TJP1: variants seen among roughly 807,000 people sequenced by gnomAD.
The protein encoded by TJP1 is tight junction protein ZO-1.
Under a neutral mutation model 194.2 loss-of-function variants are expected in TJP1, and 43 were observed. The observed-to-expected ratio is 0.22, with a 90% CI of 0.17 to 0.29. The LOEUF is 0.29. Ranked by LOEUF, TJP1 falls within the 10% of genes least tolerant of loss-of-function variation. The pLI is 1.00. For synonymous variants in TJP1, 801 were observed against 779.0 expected (o/e 1.03, Z -0.47); for missense variants, 1,971 against 2,185.7 (o/e 0.90, Z 1.96).
intron 1 of TJP1, among the ~76,000 whole-genome samples, chr15:29,813,566 C>T (rs2049685245): frequency 6.6e-6 from 1 of 152,162 alleles, no homozygotes; most frequent in Non-Finnish European, 1.5e-5. Flanking sequence ...ACAGAATTCA[C>T]ACTAGAAGAT....
chr15:29,791,486 T>C (rs933572996), intron 2 of TJP1, among the ~76,000 whole-genome samples: 3 of 132,720 alleles, frequency 2.3e-5, no homozygotes, highest in Non-Finnish European at 4.7e-5. Context: ...AGTGCAGCAA[T>C]CTAGGCTCAC....
chr15:29,962,992 T>G (rs2056212448), intron 1 of TJP1, among the ~76,000 whole-genome samples: 1 of 152,044 alleles, frequency 6.6e-6, no homozygotes, highest in Non-Finnish European at 1.5e-5. Context: ...ATATAAAAAA[T>G]TAGCCAGGTG....
chr15:29,817,317 G>GAA (rs1292326557), intron 1 of TJP1, among the ~76,000 whole-genome samples: 1 of 152,170 alleles, frequency 6.6e-6, no homozygotes, highest in African/African-American at 2.4e-5. Context: ...GTGATTATTA[G>GAA]AAAGTCAGGA....
At chr15:29,760,088 G>GT (rs1566969546) in intron 8 of TJP1, 1 of 600,438 alleles carries the variant, frequency 1.7e-6, no homozygotes. Flanking sequence ...CATCAACAAC[G>GT]TATAAGGGTT....
intron 8 of TJP1, among the ~76,000 whole-genome samples, chr15:29,753,361 G>A (rs1037831604): frequency 6.6e-6 from 1 of 151,750 alleles, no homozygotes; most frequent in Non-Finnish European, 1.5e-5. Context: ...GCGGGTGCCT[G>A]TAGTCCCAGC....
rs977292703 is a variant in TJP1 at position 29,760,277 on chromosome 15, T to C, written c.1010+862A>G. On this transcript the variant is annotated intron_variant, in intron 8 of 27. Transcript: ENST00000614355. ...ATTTTTCTGGAGAGAAGGATCATAATTTTCTTCAGATTCTCAAATGTACGT... is the reference window on the plus strand; with the variant it reads ...ATTTTTCTGGAGAGAAGGATCATAACTTTCTTCAGATTCTCAAATGTACGT... 6 of 702,102 alleles carry C rather than the reference T, an allele frequency of 8.5e-6. No homozygotes were observed. In the African/African-American group the frequency reaches 1.0e-4, roughly 12 times the overall value. The allele number at this position is 702,102 out of a possible 1,614,324, so 43.5% of individuals were successfully genotyped here.
At position 29,701,276 on chromosome 15, in the gene TJP1, T is replaced by G. The variant is rs2041522868; in HGVS notation, c.*319A>C. ...AACAGACCTCAAATGCACCCCCATT[T>G]ACTGGCTGGTATTTTAACGGAAATC... On this transcript the variant is annotated 3_prime_UTR_variant, in exon 28 of 28. Coordinates refer to ENST00000614355, the MANE Select transcript of TJP1 (RefSeq NM_001330239.4). The G allele has an allele frequency of 4.3e-5, 11 of 256,732 alleles. No individual in the cohort carries two copies. In the South Asian group the frequency reaches 1.1e-3, roughly 25 times the overall value. 15.9% of individuals were successfully genotyped at this position (256,732 alleles called of 1,614,324 possible).
intron 2 of TJP1, among the ~76,000 whole-genome samples, chr15:29,845,550 A>T (rs984083440): frequency 2.6e-5 from 4 of 152,204 alleles, no homozygotes; most frequent in African/African-American, 9.6e-5. Flanking sequence ...TCACACCTGT[A>T]ATCCCAGCAC....
At chr15:29,856,406 T>C (rs1407517570) in intron 2 of TJP1, among the ~76,000 whole-genome samples, 1 of 152,030 alleles carries the variant, frequency 6.6e-6, no homozygotes, top group African/African-American at 2.4e-5. Context: ...GATAAATCCG[T>C]GAGACAGAAA....
chr15:29,726,983 A>G lies in TJP1; in HGVS notation c.2109T>C (p.His703=). ...TIKQIIDQDK[H]ALLDVTPNAV... Reference sequence around the variant, plus strand: ...CATTTGGTGTTACATCTAATAAAGCATGTTTGTCCTAGAAACAGAAAGAAA... The same window carrying G: ...CATTTGGTGTTACATCTAATAAAGCGTGTTTGTCCTAGAAACAGAAAGAAA... Residue 703 remains histidine (H), a synonymous_variant, in exon 17 of 28, where the codon CAT becomes CAC. Transcript: ENST00000614355. 6.2e-7 allele frequency: 1 copy of G among 1,613,578 alleles called. No individual in the cohort carries two copies. Among genetic ancestry groups the G allele is most frequent in the Non-Finnish European group, 8.5e-7 (1 of 1,179,762 alleles).
chr15:29,799,104 A>T (rs1279445588), intron 2 of TJP1, among the ~76,000 whole-genome samples: 2 of 152,204 alleles, frequency 1.3e-5, no homozygotes, highest in Non-Finnish European at 2.9e-5. Context: ...GTCAAAACTC[A>T]GAACTGTAAG....
At chr15:29,848,993 T>C (rs775266796) in intron 2 of TJP1, among the ~76,000 whole-genome samples, 10 of 152,188 alleles carry the variant, frequency 6.6e-5, no homozygotes, top group Non-Finnish European at 1.5e-4. Context: ...ATATAATAAC[T>C]TGCTGACATA....
At chr15:29,753,608 T>C (rs189393697) in intron 8 of TJP1, among the ~76,000 whole-genome samples, 1 of 151,830 alleles carries the variant, frequency 6.6e-6, no homozygotes, top group Admixed American at 6.6e-5. Flanking sequence ...TCCACATTAC[T>C]GGTAAAATCT....
At chr15:29,924,805 G>T (rs566127173) in intron 2 of TJP1, among the ~76,000 whole-genome samples, 1 of 152,286 alleles carries the variant, frequency 6.6e-6, no homozygotes, top group Non-Finnish European at 1.5e-5. Context: ...CCCTAGGGCC[G>T]GTTTGCAAGT....
intron 2 of TJP1, among the ~76,000 whole-genome samples, chr15:29,851,830 T>A (rs931912213): frequency 6.6e-6 from 1 of 152,200 alleles, no homozygotes; most frequent in African/African-American, 2.4e-5. Flanking sequence ...TCTACCTATA[T>A]CATATATGTC....
At chr15:29,944,328 CTCGTGA>C (rs2055198679) in intron 2 of TJP1, among the ~76,000 whole-genome samples, 1 of 152,008 alleles carries the variant, frequency 6.6e-6, no homozygotes, top group South Asian at 2.1e-4. Context: ...ACCTCCTGAC[CTCGTGA>C]TCCACCCGCC....
intron 2 of TJP1, among the ~76,000 whole-genome samples, chr15:29,827,671 T>C (rs1011210082): frequency 6.6e-6 from 1 of 152,240 alleles, no homozygotes; most frequent in Non-Finnish European, 1.5e-5. Context: ...ATAATTCACA[T>C]TTTTAATTGT....
At chr15:29,867,035 T>G (rs753936731) in intron 2 of TJP1, among the ~76,000 whole-genome samples, 1 of 152,232 alleles carries the variant, frequency 6.6e-6, no homozygotes, top group South Asian at 2.1e-4. Flanking sequence ...TCCAGTTGTT[T>G]CTGTGTTCTC....
chr15:29,960,138 TAGAA>T (rs2056101454), intron 1 of TJP1, among the ~76,000 whole-genome samples: 1 of 152,148 alleles, frequency 6.6e-6, no homozygotes, highest in Admixed American at 6.5e-5. Flanking sequence ...TCATCTGACT[TAGAA>T]AGGCATCACT....
Sources: gnomAD v4.1 joint callset for allele counts (sites outside exome capture counted in the v4.1 genomes callset) on GRCh38, gnomAD v4.1.1 for gene constraint, MANE v1.5 for transcripts, NCBI Gene and HGNC (gene_info 2026-07-23, HGNC 2026-07-21) for gene names.